Variants in CACNA1E observed in about 807,000 individuals in gnomAD.
CACNA1E encodes voltage-dependent R-type calcium channel subunit alpha-1E.
In CACNA1E, 40 loss-of-function variants were observed where a neutral mutation model predicts 259.2. The ratio of observed to expected loss-of-function variants is 0.15; its 90% confidence interval spans 0.12 to 0.20. The LOEUF is 0.20. Among genes scored for constraint, CACNA1E ranks in the 10% least tolerant of loss-of-function variants. The pLI is 1.00. For synonymous variants in CACNA1E, 1,104 were observed against 1,138.5 expected (o/e 0.97, Z 0.61); for missense variants, 1,874 against 3,040.1 (o/e 0.62, Z 9.02).
intron 7 of CACNA1E, among the ~76,000 whole-genome samples, chr1:181,661,276 T>C (rs557083485): frequency 2.8e-4 from 43 of 152,122 alleles, no homozygotes; most frequent in African/African-American, 1.0e-3. Context: ...AGAAGGTACA[T>C]AGAGAAGCAA....
chr1:181,581,826 A>T (rs1651575006), intron 6 of CACNA1E, among the ~76,000 whole-genome samples: 1 of 151,950 alleles, frequency 6.6e-6, no homozygotes, highest in Non-Finnish European at 1.5e-5. Flanking sequence ...CATGCCTCTT[A>T]TGCACGCTCC....
intron 2 of CACNA1E, among the ~76,000 whole-genome samples, chr1:181,422,636 CT>C (rs1159849606): frequency 6.6e-6 from 1 of 152,170 alleles, no homozygotes; most frequent in Admixed American, 6.5e-5. Context: ...CCTCATTTTG[CT>C]CTTTTGCTAG....
intron 6 of CACNA1E, among the ~76,000 whole-genome samples, chr1:181,648,775 C>G (rs973771435): frequency 6.6e-6 from 1 of 152,216 alleles, no homozygotes; most frequent in African/African-American, 2.4e-5. Context: ...ACAAAATTAT[C>G]TTAAAAGTCA....
At chr1:181,580,475 A>G in intron 5 of CACNA1E, 120 bp from the exon 6 acceptor site, 1 of 932,700 alleles carries the variant, frequency 1.1e-6, no homozygotes, top group Non-Finnish European at 1.7e-6. Flanking sequence ...CCTGAGACAA[A>G]AAAGGGCAGG....
chr1:181,726,157 G>T lies in CACNA1E; in HGVS notation c.2235G>T (p.Ser745=), dbSNP rs772107111. 20 of 1,609,480 alleles carry T rather than the reference G, an allele frequency of 1.2e-5. No individual in the cohort carries two copies. The highest frequency in any genetic ancestry group is 1.6e-4 in the Middle Eastern group (1 of 6,082). Residue 745 remains serine, a synonymous_variant, in exon 18 of 48, where the codon TCG becomes TCT. Coordinates refer to ENST00000367573, the MANE Select transcript of CACNA1E (RefSeq NM_001205293.3). ...VSPMSAPNMP[S]IERDRRRRHH... Reference sequence around the variant, plus strand: ...CGATGTCTGCACCCAACATGCCTTCGATCGAGTGAGTCAGCTGCCCCCTTC... The same window carrying T: ...CGATGTCTGCACCCAACATGCCTTCTATCGAGTGAGTCAGCTGCCCCCTTC...
chr1:181,595,066 A>C (rs1285711745), intron 6 of CACNA1E, among the ~76,000 whole-genome samples: 1 of 152,190 alleles, frequency 6.6e-6, no homozygotes, highest in Non-Finnish European at 1.5e-5. Flanking sequence ...TATTGTTAGG[A>C]TATTTCTCTT....
chr1:181,349,319 C>A (rs546684372), intron 1 of CACNA1E, among the ~76,000 whole-genome samples: 97 of 152,318 alleles, frequency 6.4e-4, no homozygotes, highest in African/African-American at 2.3e-3. Flanking sequence ...GAGCAGGCAG[C>A]GATTGCTCTC....
At chr1:181,730,843 G>A (rs1398102495) in intron 18 of CACNA1E, among the ~76,000 whole-genome samples, 3 of 152,246 alleles carry the variant, frequency 2.0e-5, no homozygotes, top group Non-Finnish European at 4.4e-5. Flanking sequence ...TCCAAAATAG[G>A]AATCTGAAGG....
chr1:181,363,292 A>G (rs1654026940), intron 1 of CACNA1E, among the ~76,000 whole-genome samples: 1 of 152,218 alleles, frequency 6.6e-6, no homozygotes, highest in African/African-American at 2.4e-5. Context: ...ATACCTGCCA[A>G]AATGCGCGTG....
rs1400892225 is a variant in CACNA1E at position 181,738,492 on chromosome 1, T to C, written c.3612+66T>C. On this transcript the variant is annotated intron_variant, in intron 24 of 47. Transcript: ENST00000367573. ...TGGGTCACCTGTCTGCTCCTTAGGCTAGAGCCCTTCCTCAGTGTTACCACC... is the reference window on the plus strand; with the variant it reads ...TGGGTCACCTGTCTGCTCCTTAGGCCAGAGCCCTTCCTCAGTGTTACCACC... 5.4e-6 allele frequency: 7 copies of C among 1,296,766 alleles called. No individual in the cohort carries two copies. In the East Asian group the frequency reaches 1.6e-4, roughly 30 times the overall value. The allele number at this position is 1,296,766 out of a possible 1,614,324, so 80.3% of individuals were successfully genotyped here.
chr1:181,717,037 T>A, intron 10 of CACNA1E, 56 bp from the exon 11 acceptor site: 2 of 1,496,700 alleles, frequency 1.3e-6, no homozygotes, highest in Non-Finnish European at 1.9e-6. Context: ...GAATGCTCCC[T>A]GGCCCGGACC....
chr1:181,540,524 C>T (rs1315370834), intron 3 of CACNA1E, among the ~76,000 whole-genome samples: 2 of 152,146 alleles, frequency 1.3e-5, no homozygotes, highest in Non-Finnish European at 2.9e-5. Flanking sequence ...CCTTGGCGTA[C>T]TCAATGTTTT....
At chr1:181,687,300 T>A (rs983556132) in intron 7 of CACNA1E, among the ~76,000 whole-genome samples, 1 of 152,186 alleles carries the variant, frequency 6.6e-6, no homozygotes, top group Admixed American at 6.5e-5. Flanking sequence ...AACAATAGGA[T>A]CTATGACTCT....
intron 5 of CACNA1E, 28 bp from the exon 6 acceptor site, chr1:181,580,567 A>G: frequency 1.9e-6 from 3 of 1,608,534 alleles, no homozygotes; most frequent in Non-Finnish European, 2.6e-6. Flanking sequence ...CATGTGATTT[A>G]TCTCCTACCC....
At chr1:181,548,820 C>T (rs778479679) in intron 3 of CACNA1E, among the ~76,000 whole-genome samples, 12 of 152,196 alleles carry the variant, frequency 7.9e-5, no homozygotes, top group South Asian at 2.1e-4. Context: ...AAATGACTTT[C>T]GTCTTATCCA....
At position 181,695,680 on chromosome 1, in the gene CACNA1E, C is replaced by T. The variant is rs534555720; in HGVS notation, c.1056-15274C>T. Among the ~76,000 whole-genome samples the T allele has an allele frequency of 3.9e-5, 6 of 152,292 alleles. No individual in the cohort carries two copies. The East Asian group carries it at 1.2e-3, about 29-fold the overall frequency. ...TATTCATATAAAAAAAGTGAATCTA[C>T]AGCTGGGTGTGGTGGCTCATGCCTG... On this transcript the variant is annotated intron_variant, in intron 7 of 47. Coordinates refer to ENST00000367573, the MANE Select transcript of CACNA1E (RefSeq NM_001205293.3).
rs1003857236 is a variant in CACNA1E at position 181,485,527 on chromosome 1, C to G, written c.266+1517C>G. On this transcript the variant is annotated intron_variant, in intron 1 of 47. Coordinates refer to ENST00000367573, the MANE Select transcript of CACNA1E (RefSeq NM_001205293.3). This position sits in a 1 kb window ranked among gnomAD's most constrained non-coding sequence, Gnocchi z 4.2. Reference sequence around the variant, plus strand: ...TTCTCCCTCTCTCCTCTCTGCATCCCGCTCCCCTGCTCCACTCTCACAGAG... The same window carrying G: ...TTCTCCCTCTCTCCTCTCTGCATCCGGCTCCCCTGCTCCACTCTCACAGAG... Among the ~76,000 whole-genome samples the G allele has an allele frequency of 6.6e-6, 1 of 152,190 alleles. No individual in the cohort carries two copies. The highest frequency in any genetic ancestry group is 2.4e-5 in the African/African-American group (1 of 41,444).
At chr1:181,429,607 T>C (rs1023490142) in intron 2 of CACNA1E, among the ~76,000 whole-genome samples, 5 of 152,214 alleles carry the variant, frequency 3.3e-5, no homozygotes, top group Admixed American at 2.6e-4. Context: ...TTTCTGGGGC[T>C]GAGGACACCA....
chr1:181,768,002 G>A (rs765965176), intron 35 of CACNA1E, among the ~76,000 whole-genome samples: 7 of 152,138 alleles, frequency 4.6e-5, no homozygotes, highest in Admixed American at 1.3e-4. Context: ...TTTGATGCTC[G>A]TATACAATGT....
Sources: gnomAD v4.1 joint callset for allele counts (sites outside exome capture counted in the v4.1 genomes callset) on GRCh38, gnomAD v4.1.1 for gene constraint, Gnocchi (gnomAD v3.1) non-coding constraint, MANE v1.5 for transcripts, NCBI Gene and HGNC (gene_info 2026-07-23, HGNC 2026-07-21) for gene names.